ZDHHC3: variants seen among roughly 807,000 people sequenced by gnomAD.
ZDHHC3 encodes zDHHC palmitoyltransferase 3, also known as palmitoyltransferase ZDHHC3.
A neutral mutation model predicts 30.6 loss-of-function variants in ZDHHC3; 9 were observed. The ratio of observed to expected loss-of-function variants is 0.29; its 90% confidence interval spans 0.18 to 0.51. ZDHHC3 has a LOEUF of 0.51. Ranked by LOEUF, ZDHHC3 falls within the 20% of genes least tolerant of loss-of-function variation. The pLI, the probability that ZDHHC3 is intolerant of heterozygous loss-of-function variation, is 0.97. For missense variants in ZDHHC3, 246 were observed against 384.2 expected (o/e 0.64, Z 3.01); for synonymous variants, 136 against 140.2 (o/e 0.97, Z 0.21).
intron 2 of ZDHHC3, 54 bp from the exon 3 acceptor site, chr3:44,945,346 A>T: frequency 6.2e-7 from 1 of 1,611,814 alleles, no homozygotes; most frequent in Admixed American, 1.7e-5. Context: ...ATCAGCTCTA[A>T]CATTCTACAG....
intron 6 of ZDHHC3, 143 bp downstream of exon 6, chr3:44,929,163 C>G (rs1701265464): frequency 8.8e-7 from 1 of 1,131,490 alleles, no homozygotes; most frequent in African/African-American, 1.6e-5. Context: ...CCAAGTGTAA[C>G]TGCAAACAAA....
At chr3:44,971,132 G>A (rs145845761) in intron 1 of ZDHHC3, among the ~76,000 whole-genome samples, 297 of 152,266 alleles carry the variant, frequency 2.0e-3, no homozygotes, top group Non-Finnish European at 3.4e-3. Flanking sequence ...ACTGCAACAG[G>A]ACTGTGGCCA....
intron 2 of ZDHHC3, among the ~76,000 whole-genome samples, chr3:44,956,192 G>T (rs1333112324): frequency 1.3e-5 from 2 of 152,180 alleles, no homozygotes; most frequent in Non-Finnish European, 2.9e-5. Context: ...AGGGCAGAAG[G>T]CTCCCCTCTC....
Position 44,917,266 on chromosome 3 carries a change from G to T in ZDHHC3, c.*9423C>A, listed in dbSNP as rs1700240363. 1 of 156,258 alleles carries T rather than the reference G, an allele frequency of 6.4e-6. No individual in the cohort carries two copies. Among genetic ancestry groups the T allele is most frequent in the Admixed American group, 6.1e-5 (1 of 16,492 alleles). The allele number at this position is 156,258 out of a possible 1,614,324, so 9.7% of individuals were successfully genotyped here. A position where few individuals can be genotyped will look rare whatever the true frequency, so the allele number is the denominator to read the frequency against. On this transcript the variant is annotated 3_prime_UTR_variant, in exon 7 of 7. Transcript: ENST00000424952. ...ATGTGTGTGTAGAGCTTAATGCAGG[G>T]TCCTCTTTGAACCATGCCTGGCCCT... is the stretch of plus-strand genomic sequence containing the variant.
chr3:44,962,155 G>GTT (rs563455081), intron 1 of ZDHHC3, among the ~76,000 whole-genome samples: 3 of 151,784 alleles, frequency 2.0e-5, no homozygotes, highest in African/African-American at 4.8e-5. Flanking sequence ...CTATCAAACT[G>GTT]TTTTTTTTAT....
chr3:44,971,243 C>A (rs1479914225), intron 1 of ZDHHC3, among the ~76,000 whole-genome samples: 1 of 152,218 alleles, frequency 6.6e-6, no homozygotes, highest in Non-Finnish European at 1.5e-5. Context: ...AATACATATT[C>A]ATATCTTGCC....
intron 1 of ZDHHC3, among the ~76,000 whole-genome samples, chr3:44,971,410 GC>G (rs1292237485): frequency 1.3e-5 from 2 of 152,230 alleles, no homozygotes; most frequent in African/African-American, 4.8e-5. Flanking sequence ...ACAGTTGACA[GC>G]CATGAATGAA....
chr3:44,948,105 G>C (rs1204834141), intron 2 of ZDHHC3, among the ~76,000 whole-genome samples: 1 of 152,198 alleles, frequency 6.6e-6, no homozygotes, highest in Non-Finnish European at 1.5e-5. Flanking sequence ...AGGGAAGTCA[G>C]TGTAACATCA....
rs1314809457 is a variant in ZDHHC3 at position 44,916,194 on chromosome 3, G to A, written c.*10495C>T. ...ACCATCACCCCTCTCGTGGGTCATA[G>A]TTGGAGAGCTCTGGCAAGGGTTAGG... is the stretch of plus-strand genomic sequence containing the variant. On this transcript the variant is annotated 3_prime_UTR_variant, in exon 7 of 7. Transcript: ENST00000424952. The A allele has an allele frequency of 6.6e-6, 1 of 152,262 alleles. No homozygotes were observed. The highest frequency in any genetic ancestry group is 1.5e-5 in the Non-Finnish European group (1 of 68,072). 9.4% of individuals were successfully genotyped at this position (152,262 alleles called of 1,614,324 possible). A position where few individuals can be genotyped will look rare whatever the true frequency, so the allele number is the denominator to read the frequency against.
chr3:44,939,852 C>A (rs1419514054), intron 3 of ZDHHC3, among the ~76,000 whole-genome samples: 9 of 152,178 alleles, frequency 5.9e-5, no homozygotes, highest in Non-Finnish European at 1.5e-5. Context: ...CTGAGGGCCA[C>A]AAGTGTTGGT....
At chr3:44,962,605 G>C (rs995855293) in intron 1 of ZDHHC3, among the ~76,000 whole-genome samples, 1 of 152,048 alleles carries the variant, frequency 6.6e-6, no homozygotes, top group African/African-American at 2.4e-5. Context: ...ATTTCTTCTG[G>C]AATGATTTAT....
intron 1 of ZDHHC3, among the ~76,000 whole-genome samples, chr3:44,962,498 AGGAAGGAAGG>A (rs1704567072): frequency 1.0e-5 from 1 of 96,858 alleles, no homozygotes; most frequent in Non-Finnish European, 2.3e-5. Context: ...GGGAGAGAGA[AGGAAGGAAGG>A]AAGGAAGGAA....
Position 44,921,281 on chromosome 3 carries a change from C to T in ZDHHC3, c.*5408G>A. On this transcript the variant is annotated 3_prime_UTR_variant, in exon 7 of 7. Transcript: ENST00000424952. Reference sequence around the variant, plus strand: ...TCAGCTGAGCCCCACAGAACGAGAACAGGCTGTTCCCTGCTCCCTGTATCA... The same window carrying T: ...TCAGCTGAGCCCCACAGAACGAGAATAGGCTGTTCCCTGCTCCCTGTATCA... The T allele has an allele frequency of 4.1e-6, 4 of 985,402 alleles. No individual in the cohort carries two copies. The highest frequency in any genetic ancestry group is 4.8e-6 in the Non-Finnish European group (4 of 829,922). The allele number at this position is 985,402 out of a possible 1,614,324, so 61.0% of individuals were successfully genotyped here.
chr3:44,971,335 T>C (rs1449534994), intron 1 of ZDHHC3, among the ~76,000 whole-genome samples: 1 of 152,246 alleles, frequency 6.6e-6, no homozygotes, highest in Non-Finnish European at 1.5e-5. Context: ...TTCCCATGCA[T>C]TCCAAATGTA....
At chr3:44,936,401 G>A (rs1575814629) in intron 3 of ZDHHC3, among the ~76,000 whole-genome samples, 1 of 152,350 alleles carries the variant, frequency 6.6e-6, no homozygotes. Context: ...CTTACACACT[G>A]TCGTGGGAGT....
In ZDHHC3 at chr3:44,924,773, T is replaced by C. The variant is rs1700852183; in HGVS notation, c.*1916A>G. The C allele has an allele frequency of 1.0e-6, 1 of 985,462 alleles. No individual in the cohort carries two copies. The highest frequency in any genetic ancestry group is 1.2e-6 in the Non-Finnish European group (1 of 829,932). 61.0% of individuals were successfully genotyped at this position (985,462 alleles called of 1,614,324 possible). A position where few individuals can be genotyped will look rare whatever the true frequency, so the allele number is the denominator to read the frequency against. ...ATACACCTAACTGAGCTGTATGTTA[T>C]GAAAAAATTTTAAAAAAGCATATGG... On this transcript the variant is annotated 3_prime_UTR_variant, in exon 7 of 7. Coordinates refer to ENST00000424952, the MANE Select transcript of ZDHHC3 (RefSeq NM_001135179.2).
At chr3:44,933,784 G>A (rs1701704373) in intron 4 of ZDHHC3, 104 bp downstream of exon 4, 2 of 1,027,802 alleles carry the variant, frequency 1.9e-6, no homozygotes, top group African/African-American at 1.6e-5. Context: ...ACAGGGCCAG[G>A]CAGTATTCTG....
At chr3:44,947,983 A>C (rs904069623) in intron 2 of ZDHHC3, among the ~76,000 whole-genome samples, 1 of 152,222 alleles carries the variant, frequency 6.6e-6, no homozygotes, top group African/African-American at 2.4e-5. Context: ...ACACGAGGTC[A>C]AGCCACAGCT....
Position 44,959,531 on chromosome 3 carries a change from C to T in ZDHHC3, c.-24-71G>A. 2 of 1,400,992 alleles carry T rather than the reference C, an allele frequency of 1.4e-6. No individual in the cohort carries two copies. The highest frequency in any genetic ancestry group is 2.0e-6 in the Non-Finnish European group (2 of 1,023,782). 86.8% of individuals were successfully genotyped at this position (1,400,992 alleles called of 1,614,324 possible). A position where few individuals can be genotyped will look rare whatever the true frequency, so the allele number is the denominator to read the frequency against. On this transcript the variant is annotated intron_variant, in intron 1 of 6. Coordinates refer to ENST00000424952, the MANE Select transcript of ZDHHC3 (RefSeq NM_001135179.2). The surrounding 1 kb of genome is among the most constrained non-coding windows in gnomAD (Gnocchi z 4.3). ...ATCAAGGAGGTTTGACAAAATTGCT[C>T]CCATAGTGAGTTGTGATTACTTATC... is the stretch of plus-strand genomic sequence containing the variant.
Sources: gnomAD v4.1 joint callset for allele counts (sites outside exome capture counted in the v4.1 genomes callset) on GRCh38, gnomAD v4.1.1 for gene constraint, Gnocchi (gnomAD v3.1) non-coding constraint, MANE v1.5 for transcripts, NCBI Gene and HGNC (gene_info 2026-07-23, HGNC 2026-07-21) for gene names.